Variants in MAPK6 observed in about 807,000 individuals in gnomAD.
MAPK6 encodes the protein ERK-3.
MAPK6 carries 19 observed loss-of-function variants against 59.3 expected under a neutral mutation model. That is an observed-to-expected ratio of 0.32 (90% CI 0.22 to 0.47). The LOEUF is 0.47. Among genes scored for constraint, MAPK6 ranks in the 20% least tolerant of loss-of-function variants. MAPK6 has a pLI of 1.00. For missense variants in MAPK6, 724 were observed against 847.9 expected (o/e 0.85, Z 1.81); for synonymous variants, 316 against 290.3 (o/e 1.09, Z -0.90).
intron 2 of MAPK6, among the ~76,000 whole-genome samples, chr15:52,048,655 G>T (rs73400720): frequency 6.6e-6 from 1 of 151,968 alleles, no homozygotes; most frequent in East Asian, 1.9e-4. Flanking sequence ...GGCTGGAAGC[G>T]CGGTGGCCCC....
At chr15:52,040,177 G>A (rs1399163939) in intron 1 of MAPK6, among the ~76,000 whole-genome samples, 1 of 152,214 alleles carries the variant, frequency 6.6e-6, no homozygotes, top group South Asian at 2.1e-4. Context: ...TGATCTCAGG[G>A]AAGGGTGAAT....
chr15:51,978,100 A>G (rs770591487), intron 1 of MAPK6, among the ~76,000 whole-genome samples: 2 of 151,596 alleles, frequency 1.3e-5, no homozygotes, highest in Non-Finnish European at 2.9e-5. Context: ...AAAACCAACA[A>G]TGGAAAGAAG....
At chr15:51,985,259 C>G (rs1381150566) in intron 2 of MAPK6, among the ~76,000 whole-genome samples, 1 of 151,808 alleles carries the variant, frequency 6.6e-6, no homozygotes, top group Non-Finnish European at 1.5e-5. Flanking sequence ...AGGAGGAGTG[C>G]TTTAGTCCAG....
chr15:52,039,669 C>T (rs1475372781), intron 1 of MAPK6, among the ~76,000 whole-genome samples: 2 of 151,800 alleles, frequency 1.3e-5, no homozygotes, highest in East Asian at 1.9e-4. Context: ...GTGTGAGCCA[C>T]GACACCTGGC....
chr15:51,982,823 A>G (rs1475034469), intron 1 of MAPK6, among the ~76,000 whole-genome samples: 2 of 152,126 alleles, frequency 1.3e-5, no homozygotes, highest in African/African-American at 4.8e-5. Context: ...AAATTTTTAA[A>G]TTTTTTCTTG....
chr15:52,058,044 T>G (rs887071398), intron 3 of MAPK6, among the ~76,000 whole-genome samples: 12 of 152,214 alleles, frequency 7.9e-5, no homozygotes, highest in African/African-American at 2.7e-4. Context: ...GGAATTTTTA[T>G]TTTTTGTTTT....
At chr15:52,008,342 C>T (rs1566897744) in intron 3 of MAPK6, among the ~76,000 whole-genome samples, 1 of 152,112 alleles carries the variant, frequency 6.6e-6, no homozygotes, top group Non-Finnish European at 1.5e-5. Context: ...TGCCTTCTTT[C>T]GGTTTGAAGT....
At chr15:52,000,890 G>T (rs1165510952) in intron 2 of MAPK6, among the ~76,000 whole-genome samples, 1 of 151,890 alleles carries the variant, frequency 6.6e-6, no homozygotes, top group Non-Finnish European at 1.5e-5. Flanking sequence ...GGCTTTTAGT[G>T]TACCTATCAC....
At chr15:51,982,273 C>T (rs903410509) in intron 1 of MAPK6, among the ~76,000 whole-genome samples, 2 of 152,206 alleles carry the variant, frequency 1.3e-5, no homozygotes, top group African/African-American at 2.4e-5. Flanking sequence ...GATACTATCT[C>T]GTCGGCGGGT....
At chr15:51,982,690 TAAA>T (rs952849740) in intron 1 of MAPK6, among the ~76,000 whole-genome samples, 14 of 151,958 alleles carry the variant, frequency 9.2e-5, no homozygotes, top group African/African-American at 2.9e-4. Context: ...TAAAAAAAAA[TAAA>T]AAAGGTATTT....
At chr15:51,984,383 G>A (rs1347073267) in intron 2 of MAPK6, among the ~76,000 whole-genome samples, 2 of 149,124 alleles carry the variant, frequency 1.3e-5, no homozygotes, top group Non-Finnish European at 1.5e-5. Context: ...CCGGGTTCAC[G>A]CCATTCTCCT....
chr15:51,994,683 G>A (rs1013001170), intron 2 of MAPK6, among the ~76,000 whole-genome samples: 1 of 152,346 alleles, frequency 6.6e-6, no homozygotes, highest in Non-Finnish European at 1.5e-5. Context: ...AAGACACCAT[G>A]TTATTCAAGT....
intron 5 of MAPK6, among the ~76,000 whole-genome samples, chr15:52,062,976 CCCT>C (rs2032263976): frequency 6.6e-6 from 1 of 152,084 alleles, no homozygotes; most frequent in Admixed American, 6.5e-5. Flanking sequence ...ATTTTTTTCC[CCCT>C]CCTCAAATGT....
intron 1 of MAPK6, among the ~76,000 whole-genome samples, chr15:52,023,618 G>T (rs563710888): frequency 3.9e-5 from 6 of 152,248 alleles, no homozygotes; most frequent in African/African-American, 1.4e-4. Context: ...TTGTTTGTTT[G>T]TTTTTTGTTT....
chr15:52,065,007 C>T lies in MAPK6; in HGVS notation c.*7C>T, dbSNP rs747303169. ...TCTGAAACATCTGAACTAAAACACT[C>T]AGCAGACATTTATCTTTGTATTCTT... On this transcript the variant is annotated 3_prime_UTR_variant, in exon 6 of 6. Coordinates refer to ENST00000261845, the MANE Select transcript of MAPK6 (RefSeq NM_002748.4). 1.9e-6 allele frequency: 3 copies of T among 1,587,642 alleles called. No homozygotes were observed. The highest frequency in any genetic ancestry group is 3.4e-5 in the Admixed American group (2 of 58,066).
chr15:52,033,347 T>C (rs527521068), intron 1 of MAPK6, among the ~76,000 whole-genome samples: 1 of 151,894 alleles, frequency 6.6e-6, no homozygotes. Flanking sequence ...GTGGGCACCA[T>C]CCAATTGGCT....
At chr15:52,058,482 T>C in intron 3 of MAPK6, 151 bp from the exon 4 acceptor site, 1 of 563,444 alleles carries the variant, frequency 1.8e-6, no homozygotes, top group African/African-American at 1.9e-5. Flanking sequence ...ATAAGTAGAT[T>C]GGTGATAGTC....
chr15:52,061,073 G>GGTAA (rs2032179920), intron 4 of MAPK6, among the ~76,000 whole-genome samples: 1 of 152,086 alleles, frequency 6.6e-6, no homozygotes, highest in African/African-American at 2.4e-5. Flanking sequence ...TTGTAAATCA[G>GGTAA]GTAAGTTTTA....
intron 1 of MAPK6, among the ~76,000 whole-genome samples, chr15:52,041,604 G>C (rs1320812850): frequency 1.1e-4 from 17 of 152,218 alleles, no homozygotes; most frequent in Admixed American, 9.8e-4. Context: ...GTCCAACTGA[G>C]TTTTATATAT....
Sources: gnomAD v4.1 joint callset for allele counts (sites outside exome capture counted in the v4.1 genomes callset) on GRCh38, gnomAD v4.1.1 for gene constraint, MANE v1.5 for transcripts, NCBI Gene and HGNC (gene_info 2026-07-23, HGNC 2026-07-21) for gene names.